HBS1L: variants seen among roughly 807,000 people sequenced by gnomAD.
HBS1L encodes HBS1 like translational GTPase, also known as HBS1-like protein.
Under a neutral mutation model 88.9 loss-of-function variants are expected in HBS1L, and 55 were observed. The ratio of observed to expected loss-of-function variants is 0.62; its 90% confidence interval spans 0.50 to 0.77. The LOEUF is 0.77. Among genes scored for constraint, HBS1L ranks in the 30% least tolerant of loss-of-function variants. The pLI is 0.00. For synonymous variants in HBS1L, 267 were observed against 288.5 expected, an observed-to-expected ratio of 0.93 and a Z score of 0.76; for missense variants, 741 against 829.3, an observed-to-expected ratio of 0.89 and a Z score of 1.31.
intron 12 of HBS1L, 74 bp downstream of exon 12, chr6:134,985,267 G>T: frequency 2.2e-6 from 2 of 890,374 alleles, no homozygotes; most frequent in Non-Finnish European, 3.5e-6. Context: ...TCATAACTTA[G>T]TCCAGGAAAG....
intron 8 of HBS1L, among the ~76,000 whole-genome samples, chr6:134,990,980 C>G (rs762053266): frequency 1.3e-5 from 2 of 151,954 alleles, no homozygotes; most frequent in Non-Finnish European, 2.9e-5. Context: ...CATTGCATTC[C>G]CACACTGCTA....
intron 12 of HBS1L, 60 bp downstream of exon 12, chr6:134,985,281 G>T: frequency 1.8e-6 from 2 of 1,087,274 alleles, no homozygotes; most frequent in Non-Finnish European, 1.4e-6. Flanking sequence ...AGGAAAGGAG[G>T]TTAGGAGGGA....
At chr6:135,046,255 TC>T (rs1776908335) in intron 2 of HBS1L, among the ~76,000 whole-genome samples, 1 of 150,480 alleles carries the variant, frequency 6.6e-6, no homozygotes, top group Non-Finnish European at 1.5e-5. Context: ...AGGGTTATTT[TC>T]TTTACCCACA....
intron 1 of HBS1L, among the ~76,000 whole-genome samples, chr6:135,053,554 G>T (rs1458749954): frequency 6.6e-6 from 1 of 152,144 alleles, no homozygotes; most frequent in African/African-American, 2.4e-5. Context: ...TTATTTAAAA[G>T]GGCCTCCATT....
intron 4 of HBS1L, among the ~76,000 whole-genome samples, chr6:135,015,919 C>T (rs1775909333): frequency 8.1e-6 from 1 of 123,570 alleles, no homozygotes; most frequent in South Asian, 2.8e-4. Context: ...GAGTCTTGTT[C>T]TGTTGCCCAG....
intron 4 of HBS1L, chr6:135,037,454 C>T (rs1035378073): frequency 1.3e-6 from 2 of 1,549,328 alleles, no homozygotes; most frequent in African/African-American, 2.7e-5. Flanking sequence ...AAATTATCAA[C>T]AGTCATATTT....
Position 134,982,393 on chromosome 6 carries a change from A to T in HBS1L, c.1597+65T>A, listed in dbSNP as rs117963542. ...CTTACTTTGGAGTTGTAACTAAACCACTTTTTAAAAATCTGCTGTCTCAAC... is the reference window on the plus strand; with the variant it reads ...CTTACTTTGGAGTTGTAACTAAACCTCTTTTTAAAAATCTGCTGTCTCAAC... On this transcript the variant is annotated intron_variant, in intron 13 of 17. Coordinates refer to ENST00000367837, the MANE Select transcript of HBS1L (RefSeq NM_006620.4). 2.0e-3 allele frequency: 1,978 copies of T among 972,784 alleles called. 6 individuals carry two copies. The highest frequency in any genetic ancestry group is 2.8e-3 in the Non-Finnish European group (1,688 of 602,862). 60.3% of individuals were successfully genotyped at this position (972,784 alleles called of 1,614,324 possible).
At chr6:135,035,410 C>T (rs906985183) in intron 4 of HBS1L, among the ~76,000 whole-genome samples, 2 of 149,154 alleles carry the variant, frequency 1.3e-5, no homozygotes, top group Non-Finnish European at 3.0e-5. Context: ...CACTGCACTC[C>T]AGCCTGGCGA....
rs984827185 is a variant in HBS1L, at chr6:134,964,758, T to G, written c.*521A>C. The G allele has an allele frequency of 1.2e-4, 18 of 152,282 alleles. No homozygotes were observed. The highest frequency in any genetic ancestry group is 4.4e-4 in the African/African-American group (18 of 41,100). 9.4% of individuals were successfully genotyped at this position (152,282 alleles called of 1,614,324 possible). A position where few individuals can be genotyped will look rare whatever the true frequency, so the allele number is the denominator to read the frequency against. ...AGTTTACTTGTTTGGGGAGGGACATTCTTATGGTCACCACAAAATACTTTT... is the reference window on the plus strand; with the variant it reads ...AGTTTACTTGTTTGGGGAGGGACATGCTTATGGTCACCACAAAATACTTTT... On this transcript the variant is annotated 3_prime_UTR_variant, in exon 18 of 18. Coordinates refer to ENST00000367837, the MANE Select transcript of HBS1L (RefSeq NM_006620.4).
intron 5 of HBS1L, among the ~76,000 whole-genome samples, chr6:135,002,279 T>A (rs1775483256): frequency 6.6e-6 from 1 of 152,118 alleles, no homozygotes; most frequent in African/African-American, 2.4e-5. Context: ...ATGGTCCAAT[T>A]TACGTCTTTG....
chr6:135,042,521 C>T (rs183849065), intron 2 of HBS1L, among the ~76,000 whole-genome samples: 2 of 152,080 alleles, frequency 1.3e-5, no homozygotes, highest in African/African-American at 4.8e-5. Context: ...TAAGAAAACA[C>T]AAGGTGGCCA....
At chr6:134,998,909 A>G (rs1022647190) in intron 5 of HBS1L, among the ~76,000 whole-genome samples, 1 of 152,226 alleles carries the variant, frequency 6.6e-6, no homozygotes, top group Non-Finnish European at 1.5e-5. Flanking sequence ...AGTAGGTAAA[A>G]ACAGTAATAT....
At chr6:135,039,507 A>G (rs759457861) in intron 4 of HBS1L, 66 bp downstream of exon 4, 9 of 1,300,008 alleles carry the variant, frequency 6.9e-6, no homozygotes, top group Non-Finnish European at 9.7e-6. Flanking sequence ...AAGCTCAAGC[A>G]AACGAAAGCC....
intron 15 of HBS1L, among the ~76,000 whole-genome samples, chr6:134,974,140 A>G (rs1383943250): frequency 6.6e-6 from 1 of 152,162 alleles, no homozygotes; most frequent in African/African-American, 2.4e-5. Context: ...CCGTGCACAC[A>G]CTAGAAAATC....
intron 4 of HBS1L, chr6:135,036,733 C>T: frequency 6.4e-7 from 1 of 1,551,168 alleles, no homozygotes; most frequent in Non-Finnish European, 8.7e-7. Flanking sequence ...TCGCTTGCAG[C>T]TTTTCAGTGG....
chr6:135,037,301 T>C lies in HBS1L; in HGVS notation c.430+2272A>G, dbSNP rs114323406. ...AAAGTAAAGCACTGGCTTATATTGT[T>C]TTCTTTGTGTTCCTGAAACAGTTCA... On this transcript the variant is annotated intron_variant, in intron 4 of 17. Transcript: ENST00000367837. The C allele has an allele frequency of 3.6e-4, 557 of 1,551,864 alleles. 3 individuals carry two copies. The African/African-American group carries it at 6.2e-3, about 17-fold the overall frequency.
chr6:134,982,276 A>C, intron 13 of HBS1L, 182 bp downstream of exon 13: 1 of 564,312 alleles, frequency 1.8e-6, no homozygotes, highest in South Asian at 2.1e-5. Context: ...AGACACAATC[A>C]CAACAGAAAA....
Position 134,997,468 on chromosome 6 carries a change from T to C in HBS1L, c.728A>G (p.Gln243Arg). ...APVKKSGKLR[Q>R]QIDVKAELEK... ...CAGTTCCGCCTTCACATCTATTTGC[T>C]GCCTCAGCTTGCCAGACTTTTTCAC... Residue 243 changes from glutamine (Q) to arginine (R), a missense_variant, in exon 6 of 18, where the codon CAG (glutamine) becomes CGG (arginine). This residue lies in a region of HBS1L where 556 missense variants were observed against 598.4 expected (regional missense o/e 0.93). Coordinates refer to ENST00000367837, the MANE Select transcript of HBS1L (RefSeq NM_006620.4). 1 of 1,614,082 alleles carries C rather than the reference T, an allele frequency of 6.2e-7. No homozygotes were observed. Among genetic ancestry groups the C allele is most frequent in the Non-Finnish European group, 8.5e-7 (1 of 1,179,988 alleles).
At chr6:135,007,102 C>T (rs901118698) in intron 4 of HBS1L, among the ~76,000 whole-genome samples, 1 of 152,114 alleles carries the variant, frequency 6.6e-6, no homozygotes, top group Admixed American at 6.5e-5. Context: ...CATACAATGG[C>T]ATAAAAGGTC....
Sources: gnomAD v4.1 joint callset for allele counts (sites outside exome capture counted in the v4.1 genomes callset) on GRCh38, gnomAD v4.1.1 for gene constraint, gnomAD v4.1.1 regional missense constraint, MANE v1.5 for transcripts, NCBI Gene and HGNC (gene_info 2026-07-23, HGNC 2026-07-21) for gene names.